NEDD4L: variants seen among roughly 807,000 people sequenced by gnomAD.
NEDD4L encodes E3 ubiquitin-protein ligase NEDD4-like.
NEDD4L carries 54 observed loss-of-function variants against 148.9 expected under a neutral mutation model. The ratio of observed to expected loss-of-function variants is 0.36; its 90% CI spans 0.29 to 0.45. The LOEUF (loss-of-function observed/expected upper bound fraction) is 0.45. NEDD4L is among the 20% of genes least tolerant of loss of function. The pLI is 1.00. For missense variants in NEDD4L, 856 were observed against 1,233.8 expected, an observed-to-expected ratio of 0.69 and a Z score of 4.59; for synonymous variants, 433 against 440.7, an observed-to-expected ratio of 0.98 and a Z score of 0.22.
At position 58,399,374 on chromosome 18, in the gene NEDD4L, T is replaced by G. The variant is rs1200962030; in HGVS notation, c.*3105T>G. ...AGAACAAAGGTAAGACACTTGGTTT[T>G]TGTTTCCAGGACCCTTCAGAAGGTG... On this transcript the variant is annotated 3_prime_UTR_variant, in exon 31 of 31. Transcript: ENST00000400345. 6.6e-6 allele frequency: 1 copy of G among 152,238 alleles called. No homozygotes were observed. The highest frequency in any genetic ancestry group is 1.5e-5 in the Non-Finnish European group (1 of 68,044). The allele number at this position is 152,238 out of a possible 1,614,324, so 9.4% of individuals were successfully genotyped here.
intron 2 of NEDD4L, among the ~76,000 whole-genome samples, chr18:58,171,451 C>T (rs954069553): frequency 2.0e-5 from 3 of 151,892 alleles, no homozygotes; most frequent in South Asian, 2.1e-4. Flanking sequence ...CACCTCATCA[C>T]CCCAGCCCAA....
chr18:58,055,717 C>T (rs955622100), intron 1 of NEDD4L, among the ~76,000 whole-genome samples: 29 of 152,326 alleles, frequency 1.9e-4, no homozygotes, highest in African/African-American at 6.7e-4. Context: ...TTTTTCCCCA[C>T]TTGCAGTTTG....
intron 2 of NEDD4L, among the ~76,000 whole-genome samples, chr18:58,236,049 TAAAATA>T (rs1016688691): frequency 4.7e-5 from 7 of 148,100 alleles, no homozygotes; most frequent in African/African-American, 1.7e-4. Flanking sequence ...AAATAAAAAT[TAAAATA>T]AAAATAAACA....
chr18:58,221,870 A>G (rs754689946), intron 2 of NEDD4L: 1 of 316,592 alleles, frequency 3.2e-6, no homozygotes, highest in Non-Finnish European at 4.6e-6. Flanking sequence ...TAGTTCTAGC[A>G]TGTACCAAGA....
At chr18:58,342,682 C>T (rs1405263860) in intron 15 of NEDD4L, among the ~76,000 whole-genome samples, 1 of 152,136 alleles carries the variant, frequency 6.6e-6, no homozygotes, top group Admixed American at 6.5e-5. Context: ...TGAGTAGCTA[C>T]CAAAGGATGG....
intron 1 of NEDD4L, among the ~76,000 whole-genome samples, chr18:58,109,997 G>A (rs2145643821): frequency 6.6e-6 from 1 of 152,332 alleles, no homozygotes; most frequent in East Asian, 1.9e-4. Context: ...GAGGGGGGAT[G>A]TTTTAGAAAG....
chr18:58,174,995 A>G (rs373469680), intron 2 of NEDD4L, among the ~76,000 whole-genome samples: 1 of 152,332 alleles, frequency 6.6e-6, no homozygotes, highest in East Asian at 1.9e-4. Context: ...CATACATTGA[A>G]GTACCTTTGC....
chr18:58,283,323 G>A (rs1410612217), intron 5 of NEDD4L, among the ~76,000 whole-genome samples: 15 of 152,076 alleles, frequency 9.9e-5, no homozygotes, highest in South Asian at 2.1e-4. Flanking sequence ...TGATCCACCC[G>A]CCTCGGCCTC....
At chr18:58,177,482 C>T (rs541094432) in intron 2 of NEDD4L, among the ~76,000 whole-genome samples, 126 of 152,266 alleles carry the variant, frequency 8.3e-4, no homozygotes, top group Non-Finnish European at 1.6e-3. Flanking sequence ...GCGTGGCTGC[C>T]GGCGTCCCCA....
intron 5 of NEDD4L, among the ~76,000 whole-genome samples, chr18:58,276,399 A>G (rs1302604481): frequency 6.6e-6 from 1 of 151,658 alleles, no homozygotes; most frequent in Non-Finnish European, 1.5e-5. Flanking sequence ...GGTAGAGATG[A>G]GTTTTCGCCA....
intron 1 of NEDD4L, among the ~76,000 whole-genome samples, chr18:58,084,581 G>T (rs940479559): frequency 1.3e-5 from 2 of 152,012 alleles, no homozygotes; most frequent in Non-Finnish European, 2.9e-5. Flanking sequence ...CCAAAATCAA[G>T]ATGTCAGCAG....
chr18:58,171,937 A>G (rs534027238), intron 2 of NEDD4L, among the ~76,000 whole-genome samples: 1 of 152,324 alleles, frequency 6.6e-6, no homozygotes, highest in South Asian at 2.1e-4. Flanking sequence ...AACAGTCTCC[A>G]TTTGATGCTG....
chr18:58,304,530 AAG>A (rs1226266146), intron 5 of NEDD4L, among the ~76,000 whole-genome samples: 1 of 152,102 alleles, frequency 6.6e-6, no homozygotes, highest in African/African-American at 2.4e-5. Flanking sequence ...AAAAGAAAGA[AAG>A]AACATTTGTT....
intron 18 of NEDD4L, among the ~76,000 whole-genome samples, chr18:58,353,210 T>C (rs932319456): frequency 6.6e-6 from 1 of 152,240 alleles, no homozygotes; most frequent in Non-Finnish European, 1.5e-5. Context: ...ACCTGCTAGA[T>C]GCCTGGGCTT....
At chr18:58,263,448 T>G (rs2049743966) in intron 5 of NEDD4L, among the ~76,000 whole-genome samples, 1 of 152,200 alleles carries the variant, frequency 6.6e-6, no homozygotes, top group East Asian at 1.9e-4. Context: ...TCTTGCTTAC[T>G]TCTTTCTTGG....
At chr18:58,055,668 G>A (rs182188275) in intron 1 of NEDD4L, among the ~76,000 whole-genome samples, 11 of 152,290 alleles carry the variant, frequency 7.2e-5, no homozygotes, top group Admixed American at 7.2e-4. Context: ...ATAGAGCAAG[G>A]ACTATTTTAA....
At chr18:58,082,457 A>G (rs569164232) in intron 1 of NEDD4L, among the ~76,000 whole-genome samples, 2 of 151,706 alleles carry the variant, frequency 1.3e-5, no homozygotes, top group African/African-American at 2.4e-5. Flanking sequence ...TCTTAAATCT[A>G]TAAGCATTTT....
At chr18:58,290,597 A>G (rs1222754992) in intron 5 of NEDD4L, among the ~76,000 whole-genome samples, 1 of 152,204 alleles carries the variant, frequency 6.6e-6, no homozygotes, top group Non-Finnish European at 1.5e-5. Flanking sequence ...AAGTGATATT[A>G]TTAGAAATGA....
intron 2 of NEDD4L, among the ~76,000 whole-genome samples, chr18:58,243,964 A>G (rs976023417): frequency 1.3e-5 from 2 of 152,218 alleles, no homozygotes; most frequent in African/African-American, 4.8e-5. Context: ...ACACGTGAAC[A>G]CACATATGTG....
Sources: gnomAD v4.1 joint callset for allele counts (sites outside exome capture counted in the v4.1 genomes callset) on GRCh38, gnomAD v4.1.1 for gene constraint, MANE v1.5 for transcripts, NCBI Gene and HGNC (gene_info 2026-07-23, HGNC 2026-07-21) for gene names.